NUP107: variants seen among roughly 807,000 people sequenced by gnomAD.
NUP107 encodes nuclear pore complex protein Nup107.
NUP107 carries 101 observed loss-of-function variants against 141.0 expected under a neutral mutation model. The observed-to-expected ratio is 0.72, with a 90% CI of 0.61 to 0.84. NUP107 has a LOEUF of 0.84. Among genes scored for constraint, NUP107 ranks in the 40% least tolerant of loss-of-function variants. The probability of loss-of-function intolerance (pLI) is 0.00; values close to 1 mark genes in which losing one functional copy is unlikely to be tolerated. For synonymous variants in NUP107, 319 were observed against 363.9 expected, an observed-to-expected ratio of 0.88 and a Z score of 1.41; for missense variants, 941 against 1,102.7, an observed-to-expected ratio of 0.85 and a Z score of 2.08.
rs7957853 is a variant in NUP107, at chr12:68,742,707, T to A, written c.*245T>A. On this transcript the variant is annotated 3_prime_UTR_variant, in exon 28 of 28. Transcript: ENST00000229179. ...TTACAAATTCCAGGGTTGTCTCTTT[T>A]TCATGTAATAAGAAAATTAAATTTT... 0.57 allele frequency: 119,252 copies of A among 208,742 alleles called. 34,048 individuals carry two copies. Among genetic ancestry groups the A allele is most frequent in the South Asian group, 0.77 (4,229 of 5,510 alleles). 12.9% of individuals were successfully genotyped at this position (208,742 alleles called of 1,614,324 possible). A position where few individuals can be genotyped will look rare whatever the true frequency, so the allele number is the denominator to read the frequency against.
chr12:68,728,411 GA>G (rs1440419898), intron 20 of NUP107, among the ~76,000 whole-genome samples: 19 of 144,582 alleles, frequency 1.3e-4, no homozygotes, highest in African/African-American at 4.1e-4. Flanking sequence ...GGGAAACAGC[GA>G]AAACCTGTCT....
chr12:68,701,582 T>TGA (rs1476800687), intron 7 of NUP107, among the ~76,000 whole-genome samples: 1 of 151,864 alleles, frequency 6.6e-6, no homozygotes, highest in African/African-American at 2.4e-5. Flanking sequence ...CTTGGGAGGC[T>TGA]GAGGCAGGAG....
chr12:68,720,867 G>C (rs1877320619), intron 14 of NUP107, among the ~76,000 whole-genome samples: 1 of 152,088 alleles, frequency 6.6e-6, no homozygotes, highest in African/African-American at 2.4e-5. Flanking sequence ...GCATCCACTA[G>C]AGTTGGATCT....
chr12:68,711,972 G>C (rs1408543144), intron 10 of NUP107, among the ~76,000 whole-genome samples: 1 of 152,110 alleles, frequency 6.6e-6, no homozygotes, highest in Non-Finnish European at 1.5e-5. Flanking sequence ...TGATTGTCAA[G>C]AAGACACTTC....
At chr12:68,725,910 C>T (rs918989626) in intron 18 of NUP107, 114 bp downstream of exon 18, 1 of 603,320 alleles carries the variant, frequency 1.7e-6, no homozygotes. Flanking sequence ...AGTCTCAGCT[C>T]ACTGCAACCT....
chr12:68,698,785 G>C (rs1384944777), intron 6 of NUP107, among the ~76,000 whole-genome samples: 1 of 152,178 alleles, frequency 6.6e-6, no homozygotes, highest in Non-Finnish European at 1.5e-5. Context: ...AGTTAGTTGC[G>C]AGGGAGCAAT....
At chr12:68,696,091 T>C (rs866872682) in intron 5 of NUP107, among the ~76,000 whole-genome samples, 2 of 151,888 alleles carry the variant, frequency 1.3e-5, no homozygotes, top group African/African-American at 4.8e-5. Context: ...TGAGGCTGGG[T>C]GCGGTGGCTC....
At chr12:68,702,234 C>A (rs1458185198) in intron 7 of NUP107, among the ~76,000 whole-genome samples, 1 of 152,148 alleles carries the variant, frequency 6.6e-6, no homozygotes, top group Non-Finnish European at 1.5e-5. Context: ...AGTGATCCAC[C>A]CACCTCGGCC....
At chr12:68,730,374 A>G (rs1414632611) in intron 20 of NUP107, among the ~76,000 whole-genome samples, 1 of 151,608 alleles carries the variant, frequency 6.6e-6, no homozygotes, top group Non-Finnish European at 1.5e-5. Context: ...ATGCGCCACC[A>G]CGCCTGGCTA....
At position 68,731,000 on chromosome 12, in the gene NUP107, T is replaced by C. The variant is rs1877798087; in HGVS notation, c.1735-110T>C. 3 of 625,780 alleles carry C rather than the reference T, an allele frequency of 4.8e-6. No homozygotes were observed. The South Asian group carries it at 8.3e-5, about 17-fold the overall frequency. The allele number at this position is 625,780 out of a possible 1,614,324, so 38.8% of individuals were successfully genotyped here. ...TAAATATAAAATAAAATTATTCTGT[T>C]TAGCAACACAAATCCACATCTGTAT... On this transcript the variant is annotated intron_variant, in intron 20 of 27. Coordinates refer to ENST00000229179, the MANE Select transcript of NUP107 (RefSeq NM_020401.4).
chr12:68,741,846 A>T lies in NUP107; in HGVS notation c.2536A>T (p.Met846Leu). The T allele has an allele frequency of 6.2e-7, 1 of 1,613,914 alleles. No homozygotes were observed. Among genetic ancestry groups the T allele is most frequent in the Non-Finnish European group, 8.5e-7 (1 of 1,179,904 alleles). Reference protein sequence around the residue: ...AKEDHERTHQMVLLRKLCLPM... With the variant: ...AKEDHERTHQLVLLRKLCLPM... ...AGAAGACCATGAAAGAACACATCAA[A>T]TGGTCTTACTGAGAAAGCTTTGTCT... The change falls in exon 27 of 28, where the codon ATG becomes TTG. Residue 846 changes from methionine (M) to leucine (L), a missense_variant. By Grantham distance (15) the Met-to-Leu change is conservative (BLOSUM62 2). Coordinates refer to ENST00000229179, the MANE Select transcript of NUP107 (RefSeq NM_020401.4).
rs572424756 is a variant in NUP107, at chr12:68,709,328, ATT to A, written c.801+27_801+28del. ...AAGTCAGGTATGACTAGAATTTAAA[ATT>A]TTTTTTTATGAAACATGGAGAAAAG... On this transcript the variant is annotated intron_variant, in intron 9 of 27. Coordinates refer to ENST00000229179, the MANE Select transcript of NUP107 (RefSeq NM_020401.4). 1.4e-6 allele frequency: 2 copies of A among 1,457,656 alleles called. No homozygotes were observed. The highest frequency in any genetic ancestry group is 1.3e-5 in the South Asian group (1 of 79,420). The allele number at this position is 1,457,656 out of a possible 1,614,324, so 90.3% of individuals were successfully genotyped here.
chr12:68,698,653 A>C (rs1433741486), intron 6 of NUP107, among the ~76,000 whole-genome samples: 3 of 152,232 alleles, frequency 2.0e-5, no homozygotes, highest in African/African-American at 7.2e-5. Flanking sequence ...GAGGAACCTT[A>C]AATGCATATT....
intron 22 of NUP107, among the ~76,000 whole-genome samples, chr12:68,732,034 A>G (rs1877852926): frequency 6.6e-6 from 1 of 152,248 alleles, no homozygotes; most frequent in Non-Finnish European, 1.5e-5. Context: ...AGAAAGTTAT[A>G]TCTAAGAAAA....
intron 7 of NUP107, among the ~76,000 whole-genome samples, chr12:68,702,134 G>A (rs887346070): frequency 7.2e-5 from 11 of 152,218 alleles, no homozygotes; most frequent in East Asian, 3.9e-4. Context: ...GATTAGAGGC[G>A]CATGCCAACA....
Position 68,695,386 on chromosome 12 carries a change from A to G in NUP107, c.449-1433A>G, listed in dbSNP as rs138371116. ...CAAGCCAAGTACCTGTTGATAGATG[A>G]ATGGGGGAAACAAAATGTGATCTAT... On this transcript the variant is annotated intron_variant, in intron 5 of 27. Coordinates refer to ENST00000229179, the MANE Select transcript of NUP107 (RefSeq NM_020401.4). Among the ~76,000 whole-genome samples, 1,141 of 152,332 alleles carry G rather than the reference A, an allele frequency of 7.5e-3. 9 individuals carry two copies. The highest frequency in any genetic ancestry group is 0.012 in the Non-Finnish European group (831 of 68,032).
At chr12:68,687,598 G>A (rs1024346196) in intron 1 of NUP107, 4 of 986,016 alleles carry the variant, frequency 4.1e-6, no homozygotes, top group Non-Finnish European at 4.8e-6. Flanking sequence ...AGTGGTAAGT[G>A]TTTGGGGGCG....
intron 5 of NUP107, among the ~76,000 whole-genome samples, chr12:68,694,227 T>C (rs1019879131): frequency 1.3e-5 from 2 of 152,222 alleles, no homozygotes; most frequent in African/African-American, 4.8e-5. Context: ...AGTGCCTGTA[T>C]TTTCCCAGAG....
intron 20 of NUP107, among the ~76,000 whole-genome samples, chr12:68,729,969 T>G (rs1192663963): frequency 6.6e-6 from 1 of 151,020 alleles, no homozygotes; most frequent in Non-Finnish European, 1.5e-5. Flanking sequence ...ATTAATGTAT[T>G]TATTTATTTA....
Sources: allele counts gnomAD v4.1 joint callset (sites outside exome capture counted in the v4.1 genomes callset), GRCh38; gene constraint gnomAD v4.1.1; transcripts MANE v1.5; gene names NCBI Gene and HGNC (gene_info 2026-07-23, HGNC 2026-07-21).